Variants in NOS1AP observed in about 807,000 individuals in gnomAD.
NOS1AP encodes carboxyl-terminal PDZ ligand of neuronal nitric oxide synthase protein.
Under a neutral mutation model 56.2 loss-of-function variants are expected in NOS1AP, and 21 were observed. That is an observed-to-expected ratio of 0.37 (90% CI 0.26 to 0.54). NOS1AP has a LOEUF of 0.54. Ranked by LOEUF, NOS1AP falls within the 20% of genes least tolerant of loss-of-function variation. The pLI is 0.84. For missense variants in NOS1AP, 522 were observed against 657.8 expected (o/e 0.79, Z 2.26); for synonymous variants, 270 against 274.6 (o/e 0.98, Z 0.17).
intron 1 of NOS1AP, among the ~76,000 whole-genome samples, chr1:162,115,892 C>T (rs1009124658): frequency 1.3e-5 from 2 of 152,260 alleles, no homozygotes; most frequent in East Asian, 3.9e-4. Context: ...GGGAGGTATG[C>T]AGGTTTTAAA....
In NOS1AP at chr1:162,073,373, C is replaced by T. The variant is rs16849381; in HGVS notation, c.105+3091C>T. On this transcript the variant is annotated intron_variant, in intron 1 of 9. Coordinates refer to ENST00000361897, the MANE Select transcript of NOS1AP (RefSeq NM_014697.3). ...TGGAATATTCACTCTATGTTGGCCA[C>T]GGGTTTGAGTCACAGCTCTCTAGTG... 8.4e-3 allele frequency among the ~76,000 whole-genome samples: 1,280 copies of T among 152,292 alleles called. 12 individuals carry two copies. Among genetic ancestry groups the T allele is most frequent in the South Asian group, 0.022 (108 of 4,820 alleles).
At chr1:162,339,910 C>T (rs1437657239) in intron 5 of NOS1AP, among the ~76,000 whole-genome samples, 2 of 152,172 alleles carry the variant, frequency 1.3e-5, no homozygotes, top group Non-Finnish European at 2.9e-5. Flanking sequence ...ACGAGGTCCC[C>T]ATATAGAATC....
chr1:162,138,586 G>A (rs1346933792), intron 1 of NOS1AP, among the ~76,000 whole-genome samples: 1 of 152,168 alleles, frequency 6.6e-6, no homozygotes, highest in East Asian at 1.9e-4. Context: ...CTGTGACCCT[G>A]GCAAGCTGGA....
intron 8 of NOS1AP, among the ~76,000 whole-genome samples, chr1:162,358,588 A>G (rs1371100293): frequency 6.6e-6 from 1 of 152,218 alleles, no homozygotes; most frequent in Non-Finnish European, 1.5e-5. Context: ...TTGTCAAATA[A>G]AAGAATCCAT....
chr1:162,237,130 C>T (rs1325035132), intron 2 of NOS1AP, among the ~76,000 whole-genome samples: 1 of 152,216 alleles, frequency 6.6e-6, no homozygotes, highest in African/African-American at 2.4e-5. Flanking sequence ...GTAGCAGGAA[C>T]TCCCAAGTTA....
chr1:162,121,102 TTC>T (rs1305843623), intron 1 of NOS1AP, among the ~76,000 whole-genome samples: 6 of 151,548 alleles, frequency 4.0e-5, no homozygotes, highest in African/African-American at 1.5e-4. Flanking sequence ...TTTTTTTTTT[TTC>T]ATTTGAAAAA....
At chr1:162,129,277 T>G (rs536326687) in intron 1 of NOS1AP, among the ~76,000 whole-genome samples, 46 of 152,274 alleles carry the variant, frequency 3.0e-4, no homozygotes, top group African/African-American at 1.1e-3. Flanking sequence ...CCTTGTGTTA[T>G]TGTATAACTG....
intron 2 of NOS1AP, among the ~76,000 whole-genome samples, chr1:162,163,167 T>C (rs1650309926): frequency 6.6e-6 from 1 of 152,254 alleles, no homozygotes; most frequent in Non-Finnish European, 1.5e-5. Context: ...TAACATTCCA[T>C]AGCATGGCTA....
At chr1:162,346,522 T>C (rs1657300779) in intron 6 of NOS1AP, among the ~76,000 whole-genome samples, 1 of 152,350 alleles carries the variant, frequency 6.6e-6, no homozygotes, top group African/African-American at 2.4e-5. Context: ...TGTGTATATG[T>C]AGGTATATAT....
chr1:162,234,357 T>G (rs1338531074), intron 2 of NOS1AP, among the ~76,000 whole-genome samples: 1 of 152,020 alleles, frequency 6.6e-6, no homozygotes, highest in Non-Finnish European at 1.5e-5. Flanking sequence ...TGCTAAGGAG[T>G]GTTCCTATTC....
At chr1:162,158,735 C>G (rs1470811647) in intron 2 of NOS1AP, among the ~76,000 whole-genome samples, 1 of 152,074 alleles carries the variant, frequency 6.6e-6, no homozygotes, top group Non-Finnish European at 1.5e-5. Context: ...TTAGGTTTTT[C>G]CATATATTAC....
intron 4 of NOS1AP, among the ~76,000 whole-genome samples, chr1:162,314,275 C>T (rs1337688132): frequency 1.3e-5 from 2 of 152,188 alleles, no homozygotes; most frequent in African/African-American, 4.8e-5. Flanking sequence ...CAAAATTAAA[C>T]CTCTGGATCC....
intron 2 of NOS1AP, among the ~76,000 whole-genome samples, chr1:162,250,189 C>G (rs930270858): frequency 6.6e-6 from 1 of 152,122 alleles, no homozygotes; most frequent in African/African-American, 2.4e-5. Flanking sequence ...AACCAAATGC[C>G]CATTTTCCCG....
intron 2 of NOS1AP, among the ~76,000 whole-genome samples, chr1:162,187,463 TTGTAG>T (rs1454100842): frequency 1.3e-5 from 2 of 152,258 alleles, no homozygotes; most frequent in Admixed American, 6.5e-5. Flanking sequence ...GTCAACATCT[TTGTAG>T]TTACATCACA....
At chr1:162,140,099 G>A (rs1314614166) in intron 1 of NOS1AP, among the ~76,000 whole-genome samples, 1 of 152,172 alleles carries the variant, frequency 6.6e-6, no homozygotes, top group Non-Finnish European at 1.5e-5. Flanking sequence ...ATAGTGCTGG[G>A]TTTACAGGTG....
chr1:162,207,989 AG>A (rs1652216422), intron 2 of NOS1AP, among the ~76,000 whole-genome samples: 1 of 152,172 alleles, frequency 6.6e-6, no homozygotes, highest in African/African-American at 2.4e-5. Context: ...ACCCTGCGCT[AG>A]GCACTGGGGA....
At chr1:162,322,852 A>G (rs1157345524) in intron 4 of NOS1AP, among the ~76,000 whole-genome samples, 1 of 152,214 alleles carries the variant, frequency 6.6e-6, no homozygotes, top group African/African-American at 2.4e-5. Flanking sequence ...GTATAGAGAA[A>G]ACAATAGTAA....
intron 4 of NOS1AP, among the ~76,000 whole-genome samples, chr1:162,307,866 A>G (rs1304930685): frequency 6.6e-6 from 1 of 152,042 alleles, no homozygotes; most frequent in Non-Finnish European, 1.5e-5. Context: ...GGCTTTCTAC[A>G]TTGATCTGTT....
At chr1:162,329,897 C>T (rs1460256485) in intron 4 of NOS1AP, among the ~76,000 whole-genome samples, 5 of 152,234 alleles carry the variant, frequency 3.3e-5, no homozygotes, top group Admixed American at 1.3e-4. Flanking sequence ...CGCTAAGTTT[C>T]TGAAATCAGA....
Sources: gnomAD v4.1 joint callset for allele counts (sites outside exome capture counted in the v4.1 genomes callset) on GRCh38, gnomAD v4.1.1 for gene constraint, MANE v1.5 for transcripts, NCBI Gene and HGNC (gene_info 2026-07-23, HGNC 2026-07-21) for gene names.